The following ZFPM2 variants were observed in gnomAD, a reference collection of about 807,000 sequenced individuals.
ZFPM2 encodes the protein zinc finger protein, FOG family member 2, also known as zinc finger protein ZFPM2.
ZFPM2 carries 20 observed loss-of-function variants against 98.6 expected under a neutral mutation model. That is an observed-to-expected ratio of 0.20 (90% CI 0.14 to 0.29). The LOEUF (loss-of-function observed/expected upper bound fraction) is 0.29, where lower values mean the gene tolerates loss of function less well. ZFPM2 is among the 10% of genes least tolerant of loss of function. The pLI, the probability that ZFPM2 is intolerant of heterozygous loss-of-function variation, is 1.00. For missense variants in ZFPM2, 1,310 were observed against 1,388.6 expected, an observed-to-expected ratio of 0.94 and a Z score of 0.90; for synonymous variants, 518 against 502.7, an observed-to-expected ratio of 1.03 and a Z score of -0.41.
In ZFPM2 at chr8:105,803,163, G is replaced by A. The variant is rs1180903765; in HGVS notation, c.3081G>A (p.Leu1027=). Residue 1027 remains leucine (L), a synonymous_variant, in exon 8 of 8, where the codon CTG becomes CTA. Coordinates refer to ENST00000407775, the MANE Select transcript of ZFPM2 (RefSeq NM_012082.4). ...GQASSNGCAA[L]KKDSLPLLPK... ...CTTCCTCAAATGGGTGTGCTGCGCT[G>A]AAGAAAGATTCTCTGCCATTGTTGC... 1 of 1,613,910 alleles carries A rather than the reference G, an allele frequency of 6.2e-7. No homozygotes were observed. The highest frequency in any genetic ancestry group is 8.5e-7 in the Non-Finnish European group (1 of 1,179,848).
intron 1 of ZFPM2, among the ~76,000 whole-genome samples, chr8:105,391,434 C>T (rs993394062): frequency 2.6e-5 from 4 of 152,134 alleles, no homozygotes; most frequent in Admixed American, 1.3e-4. Flanking sequence ...TAAAATAAGA[C>T]AACGATGAAG....
chr8:105,359,204 C>G (rs796870733), intron 1 of ZFPM2, among the ~76,000 whole-genome samples: 5 of 152,182 alleles, frequency 3.3e-5, no homozygotes, highest in African/African-American at 4.8e-5. Context: ...TTCTCTCTCT[C>G]TCTTGCCTGC....
chr8:105,415,027 CCTT>C lies in ZFPM2; in HGVS notation c.41-4113_41-4111del, dbSNP rs1232770024. 25 of 152,084 alleles carry C rather than the reference CCTT, an allele frequency of 1.6e-4. 1 individual carries two copies. Among genetic ancestry groups the C allele is most frequent in the Admixed American group, 1.6e-3 (25 of 15,228 alleles). 9.4% of individuals were successfully genotyped at this position (152,084 alleles called of 1,614,324 possible). A position where few individuals can be genotyped will look rare whatever the true frequency, so the allele number is the denominator to read the frequency against. On this transcript the variant is annotated intron_variant, in intron 1 of 7. Transcript: ENST00000407775. ...GTCAGGTGTGGTGAATCTACACTTCCCTTCTTATCTTCCACTTTCTCTCCAGAG... is the reference window on the plus strand; with the variant it reads ...GTCAGGTGTGGTGAATCTACACTTCCCTTATCTTCCACTTTCTCTCCAGAG...
At chr8:105,611,326 A>T (rs1816303244) in intron 4 of ZFPM2, among the ~76,000 whole-genome samples, 1 of 152,252 alleles carries the variant, frequency 6.6e-6, no homozygotes, top group African/African-American at 2.4e-5. Flanking sequence ...CTTAATAATT[A>T]TAGATAAATC....
Position 105,678,567 on chromosome 8 carries a change from G to A in ZFPM2, c.532+44210G>A, listed in dbSNP as rs575460110. On this transcript the variant is annotated intron_variant, in intron 5 of 7. Transcript: ENST00000407775. ...TGAGGAAATCAGACATCTCTAGGTTGAATCATGCCCAAAAGGACAATTTCT... is the reference window on the plus strand; with the variant it reads ...TGAGGAAATCAGACATCTCTAGGTTAAATCATGCCCAAAAGGACAATTTCT... 4.6e-5 allele frequency: 7 copies of A among 152,298 alleles called. No individual in the cohort carries two copies. In the East Asian group the frequency reaches 1.4e-3, roughly 29 times the overall value. The allele number at this position is 152,298 out of a possible 1,614,324, so 9.4% of individuals were successfully genotyped here.
At chr8:105,678,675 A>G (rs568657388) in intron 5 of ZFPM2, 1 of 152,234 alleles carries the variant, frequency 6.6e-6, no homozygotes, top group Non-Finnish European at 1.5e-5. Context: ...GTCCACTTTT[A>G]TCCTCCGGTT....
intron 6 of ZFPM2, 94 bp from the exon 7 acceptor site, chr8:105,798,630 C>T (rs552984712): frequency 7.6e-5 from 78 of 1,025,654 alleles, no homozygotes; most frequent in Middle Eastern, 3.1e-4. Flanking sequence ...AACCTGAGAG[C>T]GGAGTCTGAG....
intron 4 of ZFPM2, among the ~76,000 whole-genome samples, chr8:105,585,795 T>G (rs1048467962): frequency 7.9e-5 from 12 of 152,050 alleles, no homozygotes; most frequent in Non-Finnish European, 1.5e-4. Flanking sequence ...ATCATGCCGT[T>G]GCACTCCAGT....
chr8:105,409,144 A>G (rs1337422651), intron 1 of ZFPM2, among the ~76,000 whole-genome samples: 5 of 151,818 alleles, frequency 3.3e-5, no homozygotes, highest in African/African-American at 1.2e-4. Flanking sequence ...GTCTCAGGAA[A>G]TGTTAGGCCC....
chr8:105,501,426 C>T (rs1398344398), intron 3 of ZFPM2, among the ~76,000 whole-genome samples: 1 of 151,840 alleles, frequency 6.6e-6, no homozygotes. Flanking sequence ...TTCAAGTGAT[C>T]CACCCGCCTG....
At chr8:105,329,349 G>A (rs751181681) in intron 1 of ZFPM2, among the ~76,000 whole-genome samples, 4 of 151,762 alleles carry the variant, frequency 2.6e-5, no homozygotes, top group Non-Finnish European at 4.4e-5. Context: ...TTAGGTCCAG[G>A]TCCTAACATT....
intron 4 of ZFPM2, among the ~76,000 whole-genome samples, chr8:105,568,040 TGTGA>T (rs1374105405): frequency 6.6e-6 from 1 of 152,150 alleles, no homozygotes; most frequent in East Asian, 1.9e-4. Flanking sequence ...TTAATTTAAC[TGTGA>T]GTGTTTCCCA....
intron 5 of ZFPM2, among the ~76,000 whole-genome samples, chr8:105,673,932 G>A (rs528495849): frequency 3.9e-5 from 6 of 152,294 alleles, no homozygotes; most frequent in Non-Finnish European, 5.9e-5. Context: ...ATAGCATCAC[G>A]CTTGTTATGA....
chr8:105,436,788 A>G (rs1008259402), intron 2 of ZFPM2, among the ~76,000 whole-genome samples: 2 of 152,190 alleles, frequency 1.3e-5, no homozygotes, highest in Non-Finnish European at 2.9e-5. Flanking sequence ...ATATTAATAC[A>G]TGGCAGATCT....
intron 5 of ZFPM2, among the ~76,000 whole-genome samples, chr8:105,756,913 G>T (rs916599986): frequency 6.6e-6 from 1 of 152,148 alleles, no homozygotes; most frequent in Non-Finnish European, 1.5e-5. Context: ...CTGGGGCAGC[G>T]CGGGCCTGCC....
intron 5 of ZFPM2, among the ~76,000 whole-genome samples, chr8:105,675,197 A>G (rs781133117): frequency 3.3e-5 from 5 of 152,176 alleles, no homozygotes; most frequent in Non-Finnish European, 7.3e-5. Flanking sequence ...CTGCTCTAAT[A>G]TATCTTTGGT....
chr8:105,401,403 C>G (rs1476854072), intron 1 of ZFPM2, among the ~76,000 whole-genome samples: 1 of 152,016 alleles, frequency 6.6e-6, no homozygotes, highest in Non-Finnish European at 1.5e-5. Context: ...CTGCCTTTTG[C>G]TCTTTAAATT....
Position 105,801,839 on chromosome 8 carries a change from G to A in ZFPM2, c.1757G>A (p.Ser586Asn). ...ATGGCTAAGTCCCCAGAGTTCCCTA[G>A]TGTGTCAGAAAAGATGCCTGAAGCT... ...QQMAKSPEFP[S>N]VSEKMPEALS... The change falls in exon 8 of 8, where the codon AGT (serine) becomes AAT (asparagine). Residue 586 changes from serine to asparagine, a missense_variant. Physicochemically the swap from Ser to Asn is conservative, Grantham distance 46. Transcript: ENST00000407775. The A allele has an allele frequency of 6.2e-7, 1 of 1,613,976 alleles. No homozygotes were observed. The highest frequency in any genetic ancestry group is 8.5e-7 in the Non-Finnish European group (1 of 1,179,876).
At chr8:105,470,315 AAAGT>A (rs1231099637) in intron 3 of ZFPM2, among the ~76,000 whole-genome samples, 2 of 152,176 alleles carry the variant, frequency 1.3e-5, no homozygotes, top group African/African-American at 4.8e-5. Flanking sequence ...TGACCTTTGA[AAAGT>A]AAGCTAATTT....
Sources: allele counts gnomAD v4.1 joint callset (sites outside exome capture counted in the v4.1 genomes callset), GRCh38; gene constraint gnomAD v4.1.1; transcripts MANE v1.5; gene names NCBI Gene and HGNC (gene_info 2026-07-23, HGNC 2026-07-21).